Variants in DMD observed in about 807,000 individuals in gnomAD.
The protein encoded by DMD is mutant dystrophin.
DMD carries 63 observed loss-of-function variants against 330.1 expected under a neutral mutation model. That is an observed-to-expected ratio of 0.19 (90% CI 0.16 to 0.24). DMD has a LOEUF of 0.24. Among genes scored for constraint, DMD ranks in the 10% least tolerant of loss-of-function variants. The probability of loss-of-function intolerance (pLI) is 1.00; values close to 1 mark genes in which losing one functional copy is unlikely to be tolerated. For synonymous variants in DMD, 1,223 were observed against 959.8 expected, an observed-to-expected ratio of 1.27 and a Z score of -5.07; for missense variants, 3,344 against 2,684.1, an observed-to-expected ratio of 1.25 and a Z score of -5.43.
chrX:32,148,687 C>A (rs1372242501), intron 44 of DMD, among the ~76,000 whole-genome samples: 1 of 111,019 alleles, frequency 9.0e-6, no homozygotes, highest in Non-Finnish European at 1.9e-5. Context: ...TAAATTCCTA[C>A]AAAATGAAAT....
chrX:32,292,604 A>C (rs920257437), intron 42 of DMD, among the ~76,000 whole-genome samples: 1 of 111,418 alleles, frequency 9.0e-6, no homozygotes, highest in Admixed American at 9.6e-5. Context: ...TTCAGTCAAA[A>C]TTGGGAAGCA....
chrX:32,482,463 C>T (rs1249862646), intron 21 of DMD, among the ~76,000 whole-genome samples: 1 of 111,798 alleles, frequency 8.9e-6, no homozygotes, highest in Non-Finnish European at 1.9e-5. Flanking sequence ...GTACTCCATG[C>T]TGTAGCATGT....
intron 54 of DMD, among the ~76,000 whole-genome samples, chrX:31,656,366 TGA>T (rs1297830713): frequency 1.8e-5 from 2 of 111,966 alleles, no homozygotes; most frequent in Non-Finnish European, 3.8e-5. Context: ...TTTAAAAAAC[TGA>T]GAGAGTGGCT....
At chrX:33,094,569 G>A (rs994189469) in intron 1 of DMD, among the ~76,000 whole-genome samples, 1 of 111,746 alleles carries the variant, frequency 8.9e-6, no homozygotes, top group African/African-American at 3.2e-5. Flanking sequence ...CACTTTGGGA[G>A]TCCATGGCAG....
At chrX:32,355,890 A>G (rs955527172) in intron 37 of DMD, among the ~76,000 whole-genome samples, 1 of 110,728 alleles carries the variant, frequency 9.0e-6, no homozygotes, top group Non-Finnish European at 1.9e-5. Flanking sequence ...ATGAATATCT[A>G]TATACCTACA....
At chrX:31,220,969 G>A (rs1239389278) in intron 64 of DMD, among the ~76,000 whole-genome samples, 2 of 85,811 alleles carry the variant, frequency 2.3e-5, no homozygotes, top group Admixed American at 3.4e-4. Flanking sequence ...TGGGGTCCAA[G>A]ACAATTCTTC....
At chrX:31,942,444 T>C (rs964638602) in intron 45 of DMD, among the ~76,000 whole-genome samples, 4 of 112,300 alleles carry the variant, frequency 3.6e-5, no homozygotes, top group African/African-American at 9.7e-5. Context: ...GGTCTCTACT[T>C]CTATTTCTTC....
intron 29 of DMD, among the ~76,000 whole-genome samples, chrX:32,436,645 G>C (rs144111311): frequency 1.1e-3 from 120 of 111,678 alleles, no homozygotes; most frequent in Non-Finnish European, 1.7e-3. Flanking sequence ...GGACAGAATA[G>C]ATGAGTACTG....
At chrX:32,413,344 T>C (rs987869075) in intron 29 of DMD, among the ~76,000 whole-genome samples, 3 of 111,753 alleles carry the variant, frequency 2.7e-5, no homozygotes, top group African/African-American at 9.8e-5. Context: ...TCCTTCTCTG[T>C]ATTTTTTCCG....
intron 2 of DMD, among the ~76,000 whole-genome samples, chrX:32,955,107 G>A (rs1456944069): frequency 8.9e-6 from 1 of 111,810 alleles, no homozygotes; most frequent in East Asian, 2.8e-4. Context: ...GGTCTTTGAG[G>A]AATTGCCACA....
At chrX:32,062,612 T>C (rs1298964378) in intron 44 of DMD, among the ~76,000 whole-genome samples, 1 of 111,370 alleles carries the variant, frequency 9.0e-6, no homozygotes, top group Non-Finnish European at 1.9e-5. Flanking sequence ...TTAATGAGCA[T>C]GTGTTACTTT....
intron 30 of DMD, among the ~76,000 whole-genome samples, chrX:32,404,110 G>A (rs765993612): frequency 2.0e-4 from 22 of 112,180 alleles, no homozygotes; most frequent in Admixed American, 7.6e-4. Flanking sequence ...AAAGATGACC[G>A]ATTATATTTA....
intron 18 of DMD, among the ~76,000 whole-genome samples, chrX:32,511,544 A>G (rs931750944): frequency 9.3e-6 from 1 of 107,696 alleles, no homozygotes; most frequent in African/African-American, 3.4e-5. Context: ...AAAAAAAAAA[A>G]AAAGAAAAGA....
chrX:31,173,425 G>T, intron 72 of DMD, 114 bp downstream of exon 72: 1 of 869,908 alleles, frequency 1.1e-6, no homozygotes, highest in Non-Finnish European at 1.7e-6. Flanking sequence ...TGATTAGTAG[G>T]AATCAGACAA....
chrX:31,964,760 T>G (rs973465346), intron 45 of DMD, among the ~76,000 whole-genome samples: 2 of 110,593 alleles, frequency 1.8e-5, no homozygotes, highest in African/African-American at 6.6e-5. Context: ...GCATATGTTT[T>G]GCAATTGTTT....
At chrX:32,649,558 T>A (rs868781715) in intron 9 of DMD, among the ~76,000 whole-genome samples, 1 of 74,507 alleles carries the variant, frequency 1.3e-5, no homozygotes, top group Admixed American at 1.5e-4. Flanking sequence ...TCCGTCTCTT[T>A]TAAAAAAAAA....
At chrX:32,493,413 G>A (rs1178267832) in intron 19 of DMD, among the ~76,000 whole-genome samples, 3 of 111,677 alleles carry the variant, frequency 2.7e-5, no homozygotes, top group Admixed American at 9.6e-5. Flanking sequence ...ATAATAGAAT[G>A]TAAAAAGAAT....
At chrX:32,769,879 G>A (rs1315441345) in intron 7 of DMD, among the ~76,000 whole-genome samples, 1 of 110,418 alleles carries the variant, frequency 9.1e-6, no homozygotes, top group African/African-American at 3.3e-5. Flanking sequence ...ATATAAACCA[G>A]CTTCATGGAA....
At chrX:33,220,278 C>T (rs2052149458) in intron 1 of DMD, among the ~76,000 whole-genome samples, 1 of 110,850 alleles carries the variant, frequency 9.0e-6, no homozygotes, top group Non-Finnish European at 1.9e-5. Context: ...GAGCCACTGC[C>T]ACTAATACAA....
Sources: gnomAD v4.1 joint callset for allele counts (sites outside exome capture counted in the v4.1 genomes callset) on GRCh38, gnomAD v4.1.1 for gene constraint, MANE v1.5 for transcripts, NCBI Gene and HGNC (gene_info 2026-07-23, HGNC 2026-07-21) for gene names.